FBXO34: variants seen among roughly 807,000 people sequenced by gnomAD.
FBXO34 encodes F-box protein 34, also known as F-box only protein 34.
FBXO34 carries 12 observed loss-of-function variants against 24.5 expected under a neutral mutation model. The observed-to-expected ratio is 0.49, with a 90% CI of 0.31 to 0.79. The LOEUF (loss-of-function observed/expected upper bound fraction) is 0.79. Among genes scored for constraint, FBXO34 ranks in the 30% least tolerant of loss-of-function variants. FBXO34 has a pLI of 0.04. For missense variants in FBXO34, 823 were observed against 857.7 expected (o/e 0.96, Z 0.51); for synonymous variants, 320 against 311.9 (o/e 1.03, Z -0.27).
chr14:55,442,684 T>C, the FBXO34 span, among the ~76,000 whole-genome samples: 79,272 of 152,044 alleles, frequency 0.52, 20,817 homozygotes, highest in East Asian at 0.64. Flanking sequence ...CTTACGATGG[T>C]ATTTAATTTA....
chr14:55,279,062 C>T (rs938626255), intron 1 of FBXO34, among the ~76,000 whole-genome samples: 2 of 151,894 alleles, frequency 1.3e-5, no homozygotes, highest in African/African-American at 2.4e-5. Flanking sequence ...TTTAGGAGGC[C>T]GAGGTGGGTG....
At chr14:55,380,297 G>A in the FBXO34 span, among the ~76,000 whole-genome samples, 48,971 of 151,788 alleles carry the variant, frequency 0.32, 8,076 homozygotes, top group Non-Finnish European at 0.34. Context: ...CAACGGCTGC[G>A]ATTTAACATA....
At chr14:55,442,905 G>A in the FBXO34 span, among the ~76,000 whole-genome samples, 2 of 152,200 alleles carry the variant, frequency 1.3e-5, no homozygotes, top group Non-Finnish European at 2.9e-5. Context: ...TTCACACAGA[G>A]AAGGCCAGGT....
chr14:55,271,714 T>C (rs1881151165), intron 1 of FBXO34, among the ~76,000 whole-genome samples, 177 bp downstream of exon 1: 1 of 150,684 alleles, frequency 6.6e-6, no homozygotes, highest in African/African-American at 2.4e-5. Context: ...CCCGGCCGCC[T>C]GCGCCTCCTC....
the FBXO34 span, among the ~76,000 whole-genome samples, chr14:55,380,374 A>T: frequency 6.6e-6 from 1 of 152,196 alleles, no homozygotes; most frequent in Non-Finnish European, 1.5e-5. Context: ...GGTCTTCTGG[A>T]AGACTTCACG....
chr14:55,322,765 T>C (rs1386890102), intron 1 of FBXO34, among the ~76,000 whole-genome samples: 1 of 152,174 alleles, frequency 6.6e-6, no homozygotes, highest in Non-Finnish European at 1.5e-5. Flanking sequence ...ATGTCAGTAA[T>C]TTATATCTTT....
chr14:55,377,293 G>A, the FBXO34 span, among the ~76,000 whole-genome samples: 12 of 152,272 alleles, frequency 7.9e-5, no homozygotes, highest in Admixed American at 4.6e-4. Flanking sequence ...GTTGCAGTGA[G>A]CTGAGATTGC....
the FBXO34 span, among the ~76,000 whole-genome samples, chr14:55,402,929 ATATATATATAT>A: frequency 1.2e-4 from 2 of 16,366 alleles, no homozygotes; most frequent in Non-Finnish European, 2.2e-4. Flanking sequence ...AAAAAAAAAT[ATATATATATAT>A]ATATATATAT....
intron 1 of FBXO34, among the ~76,000 whole-genome samples, chr14:55,284,080 C>A (rs1881666968): frequency 6.6e-6 from 1 of 151,956 alleles, no homozygotes; most frequent in African/African-American, 2.4e-5. Context: ...CTTACTGCAG[C>A]CTCAGACTCC....
chr14:55,323,969 G>A (rs1045945743), intron 1 of FBXO34, among the ~76,000 whole-genome samples: 4 of 152,020 alleles, frequency 2.6e-5, no homozygotes, highest in African/African-American at 9.7e-5. Flanking sequence ...CAGTTCACTG[G>A]TGTTTAGTGT....
chr14:55,312,812 G>A (rs982601216), intron 1 of FBXO34, among the ~76,000 whole-genome samples: 11 of 152,224 alleles, frequency 7.2e-5, no homozygotes, highest in Non-Finnish European at 2.9e-5. Flanking sequence ...CCTGGCCCAG[G>A]AAACCATTTT....
At chr14:55,436,529 TG>T in the FBXO34 span, 1 of 1,571,268 alleles carries the variant, frequency 6.4e-7, no homozygotes, top group African/African-American at 1.4e-5. Context: ...GTGTACCCAA[TG>T]TGCTCAATTA....
chr14:55,342,376 C>T (rs1056115657), intron 1 of FBXO34, among the ~76,000 whole-genome samples: 1 of 152,178 alleles, frequency 6.6e-6, no homozygotes, highest in Non-Finnish European at 1.5e-5. Context: ...CCTAACCACC[C>T]AGTCCTCATA....
rs1190773784 is a variant in FBXO34, at chr14:55,284,772, C to T, written c.-11+13235C>T. On this transcript the variant is annotated intron_variant, in intron 1 of 1. Transcript: ENST00000313833. ...ATGGGACTACAGGCATGTGCCACCA[C>T]GTCCAGCTGATTTTTGTATCTTTTG... Among the ~76,000 whole-genome samples, 4 of 149,546 alleles carry T rather than the reference C, an allele frequency of 2.7e-5. 1 individual carries two copies. Among genetic ancestry groups the T allele is most frequent in the Non-Finnish European group, 6.0e-5 (4 of 66,926 alleles).
At chr14:55,297,156 C>T (rs760967381) in intron 1 of FBXO34, among the ~76,000 whole-genome samples, 4 of 152,110 alleles carry the variant, frequency 2.6e-5, no homozygotes, top group South Asian at 2.1e-4. Context: ...GCACAACTGC[C>T]GGCATATATG....
the FBXO34 span, among the ~76,000 whole-genome samples, chr14:55,426,272 A>T: frequency 4.1e-4 from 62 of 151,918 alleles, no homozygotes; most frequent in African/African-American, 1.4e-3. Flanking sequence ...CATCTCAAAA[A>T]AAAAAAATAA....
chr14:55,353,279 T>G lies in FBXO34; in HGVS notation c.*753T>G, dbSNP rs1294131734. 4 of 165,580 alleles carry G rather than the reference T, an allele frequency of 2.4e-5. No individual in the cohort carries two copies. Among genetic ancestry groups the G allele is most frequent in the African/African-American group, 7.4e-5 (3 of 40,728 alleles). 10.3% of individuals were successfully genotyped at this position (165,580 alleles called of 1,614,324 possible). A position where few individuals can be genotyped will look rare whatever the true frequency, so the allele number is the denominator to read the frequency against. ...AGTGTTGCGGCTATAATTTTGTGTT[T>G]TTTTTTTTTAATTGTCTAGTCTTAA... On this transcript the variant is annotated 3_prime_UTR_variant, in exon 2 of 2. Transcript: ENST00000313833.
chr14:55,347,207 C>G (rs1232701675), intron 1 of FBXO34, among the ~76,000 whole-genome samples: 1 of 152,128 alleles, frequency 6.6e-6, no homozygotes. Flanking sequence ...GGTTGGCAAC[C>G]ATGGAAACCT....
chr14:55,393,788 A>C, the FBXO34 span, among the ~76,000 whole-genome samples: 3 of 151,916 alleles, frequency 2.0e-5, no homozygotes, highest in Non-Finnish European at 2.9e-5. Flanking sequence ...CCTGGGCTTG[A>C]GCAATCCACC....
Sources: allele counts gnomAD v4.1 joint callset (sites outside exome capture counted in the v4.1 genomes callset), GRCh38; gene constraint gnomAD v4.1.1; transcripts MANE v1.5; gene names NCBI Gene and HGNC (gene_info 2026-07-23, HGNC 2026-07-21).